Variants in CHL1 observed in about 807,000 individuals in gnomAD.
The protein encoded by CHL1 is neural cell adhesion molecule L1-like protein.
Under a neutral mutation model 141.9 loss-of-function variants are expected in CHL1, and 96 were observed. The observed-to-expected ratio is 0.68, with a 90% CI of 0.57 to 0.80. CHL1 has a LOEUF of 0.80. Among genes scored for constraint, CHL1 ranks in the 30% least tolerant of loss-of-function variants. The pLI, the probability that CHL1 is intolerant of heterozygous loss-of-function variation, is 0.00. For synonymous variants in CHL1, 613 were observed against 502.2 expected, an observed-to-expected ratio of 1.22 and a Z score of -2.95; for missense variants, 1,820 against 1,457.2, an observed-to-expected ratio of 1.25 and a Z score of -4.05.
In CHL1 at chr3:401,273, G is replaced by T. The variant is rs111441578; in HGVS notation, c.3386-353G>T. Among the ~76,000 whole-genome samples the T allele has an allele frequency of 8.0e-3, 1,221 of 152,280 alleles. 14 individuals carry two copies. Among genetic ancestry groups the T allele is most frequent in the African/African-American group, 0.028 (1,167 of 41,556 alleles). ...TAGGTGTCTATGACATCTTCAAAAA[G>T]TTCAGATAGTAAAATAAATATTTAG... On this transcript the variant is annotated intron_variant, in intron 26 of 27. Coordinates refer to ENST00000256509, the MANE Select transcript of CHL1 (RefSeq NM_006614.4).
chr3:215,878 T>C (rs1700277795), intron 1 of CHL1, among the ~76,000 whole-genome samples: 1 of 152,158 alleles, frequency 6.6e-6, no homozygotes, highest in Non-Finnish European at 1.5e-5. Flanking sequence ...ATTTCTGAGT[T>C]TACCATTTTG....
At chr3:300,258 G>A (rs1408528253) in intron 2 of CHL1, among the ~76,000 whole-genome samples, 6 of 152,128 alleles carry the variant, frequency 3.9e-5, no homozygotes, top group African/African-American at 1.4e-4. Flanking sequence ...GATAGAAATT[G>A]CCAGAAAAAG....
intron 2 of CHL1, among the ~76,000 whole-genome samples, chr3:256,769 A>G (rs1368358466): frequency 6.6e-6 from 1 of 152,144 alleles, no homozygotes; most frequent in Admixed American, 6.5e-5. Flanking sequence ...TTGGTATTGT[A>G]TTTCTGGCGC....
intron 1 of CHL1, among the ~76,000 whole-genome samples, chr3:223,243 C>T (rs1337218427): frequency 6.6e-6 from 1 of 152,040 alleles, no homozygotes. Flanking sequence ...GTGTCATCAC[C>T]CATCACTATC....
intron 19 of CHL1, among the ~76,000 whole-genome samples, chr3:389,035 C>T (rs1415789398): frequency 2.4e-5 from 1 of 41,754 alleles, no homozygotes; most frequent in Non-Finnish European, 8.7e-5. Context: ...GTAGGCTTCT[C>T]GTTACTTGGG....
intron 3 of CHL1, among the ~76,000 whole-genome samples, chr3:325,269 G>A (rs564987179): frequency 3.7e-4 from 56 of 151,884 alleles, no homozygotes; most frequent in African/African-American, 1.3e-3. Context: ...TTCACTGGTG[G>A]CAAAAATATA....
chr3:239,924 T>C (rs1418465628), intron 1 of CHL1, among the ~76,000 whole-genome samples: 1 of 152,230 alleles, frequency 6.6e-6, no homozygotes, highest in East Asian at 1.9e-4. Context: ...ATGCGGTTAA[T>C]TTCCTCCTTT....
At chr3:338,236 T>C (rs73103150) in intron 5 of CHL1, among the ~76,000 whole-genome samples, 2,659 of 152,300 alleles carry the variant, frequency 0.017, 81 homozygotes, top group African/African-American at 0.06. Flanking sequence ...TGAAACAAAG[T>C]TAAGTGATTT....
intron 1 of CHL1, among the ~76,000 whole-genome samples, chr3:233,897 T>C (rs925643068): frequency 3.3e-5 from 5 of 152,154 alleles, no homozygotes; most frequent in South Asian, 2.1e-4. Flanking sequence ...TAGTTGGTGA[T>C]ATATTAATAT....
At chr3:287,371 C>A (rs903121078) in intron 2 of CHL1, among the ~76,000 whole-genome samples, 1 of 152,152 alleles carries the variant, frequency 6.6e-6, no homozygotes. Flanking sequence ...AGAACTTTTC[C>A]TGCAAACCGT....
chr3:333,147 C>CTTTTTTTTTTTTTTTTTTTT (rs1559268147), intron 5 of CHL1, among the ~76,000 whole-genome samples: 1 of 9,826 alleles, frequency 1.0e-4, no homozygotes. Context: ...TTTTTTTTTG[C>CTTTTTTTTTTTTTTTTTTTT]TGCTGCTGCA....
chr3:374,268 T>C (rs555630354), intron 15 of CHL1, among the ~76,000 whole-genome samples: 17 of 152,246 alleles, frequency 1.1e-4, no homozygotes, highest in Admixed American at 6.5e-4. Context: ...TTACAACCAG[T>C]TCTCATTGAA....
At chr3:319,649 G>C in intron 2 of CHL1, 34 bp from the exon 3 acceptor site, 2 of 444,476 alleles carry the variant, frequency 4.5e-6, no homozygotes, top group Non-Finnish European at 4.1e-6. Context: ...TTTAGAGTTT[G>C]TGAACTAACA....
chr3:364,334 T>C (rs1391256675), intron 14 of CHL1, among the ~76,000 whole-genome samples: 1 of 152,194 alleles, frequency 6.6e-6, no homozygotes, highest in African/African-American at 2.4e-5. Context: ...CATTTTCAAG[T>C]GTCATGTACA....
intron 15 of CHL1, among the ~76,000 whole-genome samples, chr3:377,219 G>A (rs1463047322): frequency 1.3e-5 from 2 of 152,210 alleles, no homozygotes; most frequent in Admixed American, 1.3e-4. Context: ...AAAAAGTGAG[G>A]TGAAATGATT....
intron 5 of CHL1, among the ~76,000 whole-genome samples, chr3:339,035 G>A (rs1702157714): frequency 6.6e-6 from 1 of 152,186 alleles, no homozygotes; most frequent in Non-Finnish European, 1.5e-5. Flanking sequence ...TGTTATCGAA[G>A]TGGATTACAT....
In CHL1 at chr3:349,535, T is replaced by C; in HGVS notation, c.1025T>C (p.Ile342Thr). 4 of 1,612,774 alleles carry C rather than the reference T, an allele frequency of 2.5e-6. No individual in the cohort carries two copies. Among genetic ancestry groups the C allele is most frequent in the Non-Finnish European group, 3.4e-6 (4 of 1,179,410 alleles). Residue 342 changes from isoleucine to threonine, a missense_variant, in exon 10 of 28, where the codon ATA (isoleucine) becomes ACA (threonine). By Grantham distance (89) the Ile-to-Thr change is moderately conservative. Coordinates refer to ENST00000256509, the MANE Select transcript of CHL1 (RefSeq NM_006614.4). ...ACAGCCACTCACGATTTTCACGTTA[T>C]AGTAGAAGGTACCTTTCCCATGTTG... ...LGTATHDFHV[I>T]VEEPPRWTKK...
At chr3:305,227 G>A (rs1439835518) in intron 2 of CHL1, among the ~76,000 whole-genome samples, 2 of 152,002 alleles carry the variant, frequency 1.3e-5, no homozygotes, top group African/African-American at 2.4e-5. Flanking sequence ...TTAATCTCAG[G>A]TTTTATCAAA....
intron 2 of CHL1, among the ~76,000 whole-genome samples, chr3:280,242 A>G (rs899056351): frequency 1.3e-5 from 2 of 151,550 alleles, no homozygotes; most frequent in African/African-American, 2.4e-5. Flanking sequence ...CCTAACAGTG[A>G]TGAAAATTTT....
Sources: gnomAD v4.1 joint callset for allele counts (sites outside exome capture counted in the v4.1 genomes callset) on GRCh38, gnomAD v4.1.1 for gene constraint, MANE v1.5 for transcripts, NCBI Gene and HGNC (gene_info 2026-07-23, HGNC 2026-07-21) for gene names.